DNAJB6: variants seen among roughly 807,000 people sequenced by gnomAD.
DNAJB6 encodes the protein dnaJ homolog subfamily B member 6.
DNAJB6 carries 16 observed loss-of-function variants against 42.7 expected under a neutral mutation model. The ratio of observed to expected loss-of-function variants is 0.37; its 90% CI spans 0.25 to 0.57. The LOEUF (loss-of-function observed/expected upper bound fraction) is 0.57. DNAJB6 is among the 20% of genes least tolerant of loss of function. The pLI is 0.74. For synonymous variants in DNAJB6, 170 were observed against 163.5 expected (o/e 1.04, Z -0.30); for missense variants, 347 against 416.8 (o/e 0.83, Z 1.46).
intron 5 of DNAJB6, among the ~76,000 whole-genome samples, chr7:157,376,019 C>T (rs1350726568): frequency 6.6e-6 from 1 of 152,096 alleles, no homozygotes; most frequent in Admixed American, 6.6e-5. Context: ...TCTCCTGGGC[C>T]GCGGCTGGGA....
rs1457057105 is a variant in DNAJB6 at position 157,343,245 on chromosome 7, C to T, written c.-27+6101C>T. The stretch of plus-strand genomic sequence containing the variant: ...GCACTATCTTGGCTCACTGCGCCTG[C>T]ACCTCCCAGGTTCAAGCAATTCTCC... On this transcript the variant is annotated intron_variant, in intron 1 of 9. Transcript: ENST00000262177. Among the ~76,000 whole-genome samples, 4 of 151,996 alleles carry T rather than the reference C, an allele frequency of 2.6e-5. No individual in the cohort carries two copies. The East Asian group carries it at 7.7e-4, about 29-fold the overall frequency.
At chr7:157,356,315 G>A (rs1799272685) in intron 1 of DNAJB6, among the ~76,000 whole-genome samples, 1 of 152,246 alleles carries the variant, frequency 6.6e-6, no homozygotes, top group African/African-American at 2.4e-5. Flanking sequence ...AAGGGAATGA[G>A]GGAGACGTGA....
At chr7:157,400,280 C>T (rs796754801) in intron 8 of DNAJB6, among the ~76,000 whole-genome samples, 45 of 147,626 alleles carry the variant, frequency 3.0e-4, no homozygotes, top group African/African-American at 9.9e-4. Context: ...GGGGGATGCC[C>T]GGGTCCCCGC....
At chr7:157,382,607 A>C in intron 6 of DNAJB6, 1 of 315,920 alleles carries the variant, frequency 3.2e-6, no homozygotes, top group Non-Finnish European at 5.7e-6. Flanking sequence ...TATAATAATC[A>C]AGGCCAGAAT....
At chr7:157,340,112 G>GT (rs1415315928) in intron 1 of DNAJB6, 1 of 152,222 alleles carries the variant, frequency 6.6e-6, no homozygotes, top group Non-Finnish European at 1.5e-5. Flanking sequence ...ATAAGAGAAT[G>GT]TAATTAGCCT....
rs569751670 is a variant in DNAJB6, at chr7:157,348,003, T to G, written c.-26-10544T>G. ...TAGAGATGGTGTTACGTCATGTTGG[T>G]CAGGCTGGTCTTGAACTCTTGACCT... On this transcript the variant is annotated intron_variant, in intron 1 of 9. Coordinates refer to ENST00000262177, the MANE Select transcript of DNAJB6 (RefSeq NM_058246.4). 2.7e-5 allele frequency among the ~76,000 whole-genome samples: 4 copies of G among 150,776 alleles called. No homozygotes were observed. The East Asian group carries it at 7.9e-4, about 30-fold the overall frequency.
At chr7:157,395,329 T>C (rs1444602072) in intron 8 of DNAJB6, among the ~76,000 whole-genome samples, 5 of 152,248 alleles carry the variant, frequency 3.3e-5, no homozygotes, top group African/African-American at 7.2e-5. Flanking sequence ...TCATCTGTTA[T>C]CTGACTTTTA....
At chr7:157,356,204 C>T (rs368536745) in intron 1 of DNAJB6, among the ~76,000 whole-genome samples, 2 of 152,224 alleles carry the variant, frequency 1.3e-5, no homozygotes, top group African/African-American at 4.8e-5. Flanking sequence ...CCCTCTGTTT[C>T]TGCTAGGTAC....
Position 157,392,712 on chromosome 7 carries a change from G to C in DNAJB6, c.691+7101G>C, listed in dbSNP as rs558223125. On this transcript the variant is annotated intron_variant, in intron 8 of 9. Coordinates refer to ENST00000262177, the MANE Select transcript of DNAJB6 (RefSeq NM_058246.4). ...AAATGAAAGGTGCAGTCAGTGCGAG[G>C]AACACCCCATGTAGATTTGGGAGAG... 3.9e-5 allele frequency among the ~76,000 whole-genome samples: 6 copies of C among 152,278 alleles called. No individual in the cohort carries two copies. The South Asian group carries it at 1.2e-3, about 32-fold the overall frequency.
chr7:157,414,414 C>T (rs1003866870), intron 9 of DNAJB6: 8 of 152,306 alleles, frequency 5.3e-5, no homozygotes, highest in Admixed American at 2.6e-4. Flanking sequence ...CGGAGATCTC[C>T]TGGCTTCCTC....
At chr7:157,353,078 A>T (rs775972080) in intron 1 of DNAJB6, among the ~76,000 whole-genome samples, 40 of 148,842 alleles carry the variant, frequency 2.7e-4, no homozygotes, top group Non-Finnish European at 4.5e-4. Context: ...GCCCTATCAA[A>T]TTTTTTTTTT....
chr7:157,391,138 G>C (rs1293211935), intron 8 of DNAJB6, among the ~76,000 whole-genome samples: 1 of 152,164 alleles, frequency 6.6e-6, no homozygotes, highest in Admixed American at 6.5e-5. Context: ...TCCCAGCCCA[G>C]AGCATTTTAC....
intron 7 of DNAJB6, 103 bp downstream of exon 7, chr7:157,385,111 G>A: frequency 8.4e-7 from 1 of 1,193,214 alleles, no homozygotes; most frequent in Non-Finnish European, 1.2e-6. Context: ...GTTGTTGTAT[G>A]CTAAATCTGG....
chr7:157,369,209 A>G (rs1269479586), intron 5 of DNAJB6: 3 of 449,830 alleles, frequency 6.7e-6, no homozygotes, highest in African/African-American at 6.0e-5. Flanking sequence ...ACAGAGCTCA[A>G]GAAAGAACCA....
chr7:157,394,034 C>T (rs1283107341), intron 8 of DNAJB6, among the ~76,000 whole-genome samples: 2 of 152,176 alleles, frequency 1.3e-5, no homozygotes, highest in Non-Finnish European at 2.9e-5. Context: ...TTTAGTTTCT[C>T]TCAAAAGAAT....
chr7:157,367,250 C>G, intron 4 of DNAJB6, 123 bp from the exon 5 acceptor site: 4 of 671,166 alleles, frequency 6.0e-6, no homozygotes, highest in South Asian at 5.4e-5. Context: ...TAGAGAACTT[C>G]AGGTTTATGA....
chr7:157,400,375 T>TAGGGAGGTCTGAGCACGGGGGAC (rs1554467485), intron 8 of DNAJB6, among the ~76,000 whole-genome samples: 1 of 152,064 alleles, frequency 6.6e-6, no homozygotes, highest in African/African-American at 2.4e-5. Flanking sequence ...CGCTCGTGTG[T>TAGGGAGGTCTGAGCACGGGGGAC]GGTGTGCCGT....
Position 157,382,282 on chromosome 7 carries a change from G to T in DNAJB6, c.383G>T (p.Gly128Val). The T allele has an allele frequency of 6.2e-7, 1 of 1,611,658 alleles. No individual in the cohort carries two copies. The highest frequency in any genetic ancestry group is 8.5e-7 in the Non-Finnish European group (1 of 1,179,436). Residue 128 changes from glycine (G) to valine (V), a missense_variant, in exon 6 of 10, where the codon GGT becomes GTT. Transcript: ENST00000262177. Reference sequence around the variant, plus strand: ...GAGGACTTCTTTGGGAATCGAAGGGGTCCCCGAGGAAGCAGAAGCCGAGGG... The same window carrying T: ...GAGGACTTCTTTGGGAATCGAAGGGTTCCCCGAGGAAGCAGAAGCCGAGGG... ...PFEDFFGNRR[G>V]PRGSRSRGTG...
At chr7:157,398,232 C>G (rs1181597666) in intron 8 of DNAJB6, among the ~76,000 whole-genome samples, 1 of 152,340 alleles carries the variant, frequency 6.6e-6, no homozygotes, top group East Asian at 1.9e-4. Context: ...TGCTGGGTGT[C>G]CCCAGTGCCT....
Sources: gnomAD v4.1 joint callset for allele counts (sites outside exome capture counted in the v4.1 genomes callset) on GRCh38, gnomAD v4.1.1 for gene constraint, MANE v1.5 for transcripts, NCBI Gene and HGNC (gene_info 2026-07-23, HGNC 2026-07-21) for gene names.